NFKBID: variants seen among roughly 807,000 people sequenced by gnomAD.
The protein encoded by NFKBID is NFKB inhibitor delta, also known as NF-kappa-B inhibitor delta.
In NFKBID, 26 loss-of-function variants were observed where a neutral mutation model predicts 53.4. The observed-to-expected ratio is 0.49, with a 90% CI of 0.36 to 0.68. The LOEUF is 0.68. Among genes scored for constraint, NFKBID ranks in the 30% least tolerant of loss-of-function variants. The pLI, the probability that NFKBID is intolerant of heterozygous loss-of-function variation, is 0.00. For synonymous variants in NFKBID, 262 were observed against 259.8 expected, an observed-to-expected ratio of 1.01 and a Z score of -0.08; for missense variants, 493 against 614.1, an observed-to-expected ratio of 0.80 and a Z score of 2.08.
At chr19:35,900,518 C>T (rs1445565538) in exon 1 of NFKBID, 5 of 1,231,706 alleles carry the variant, frequency 4.1e-6, no homozygotes, top group South Asian at 4.1e-5. Flanking sequence ...CTGTTTCCCC[C>T]GCGGAGCCGC....
At chr19:35,889,301 A>C (rs1974590772) in intron 11 of NFKBID, among the ~76,000 whole-genome samples, 1 of 151,992 alleles carries the variant, frequency 6.6e-6, no homozygotes, top group Non-Finnish European at 1.5e-5. Context: ...GGCTGCAGTG[A>C]GCTATGATCA....
At chr19:35,900,002 C>T (rs562172841) in intron 1 of NFKBID, among the ~76,000 whole-genome samples, 2 of 150,942 alleles carry the variant, frequency 1.3e-5, no homozygotes, top group South Asian at 4.2e-4. Context: ...GCAGGGTCAC[C>T]GCCAGCGTAG....
chr19:35,889,853 A>G (rs1234971156), intron 11 of NFKBID, 37 bp downstream of exon 11: 1 of 1,567,772 alleles, frequency 6.4e-7, no homozygotes, highest in Non-Finnish European at 8.7e-7. Flanking sequence ...CCGCGAGCTC[A>G]GAGGCCACTC....
chr19:35,899,052 C>A (rs747899959), intron 1 of NFKBID, among the ~76,000 whole-genome samples: 3 of 152,172 alleles, frequency 2.0e-5, no homozygotes, highest in African/African-American at 7.2e-5. Flanking sequence ...ACCCAACTTT[C>A]CACCACCGTC....
chr19:35,894,852 ACGTGG>A (rs1309416299), intron 9 of NFKBID, among the ~76,000 whole-genome samples: 1 of 151,268 alleles, frequency 6.6e-6, no homozygotes, highest in Admixed American at 6.6e-5. Flanking sequence ...AATTAGCTGG[ACGTGG>A]TGGTGGGAAC....
exon 1 of NFKBID, chr19:35,900,519 G>A: frequency 8.1e-7 from 1 of 1,231,786 alleles, no homozygotes; most frequent in Non-Finnish European, 1.0e-6. Context: ...TGTTTCCCCC[G>A]CGGAGCCGCC....
chr19:35,889,098 C>T (rs1974572257), intron 11 of NFKBID, among the ~76,000 whole-genome samples: 2 of 150,600 alleles, frequency 1.3e-5, no homozygotes, highest in African/African-American at 4.9e-5. Context: ...TTCCTGTGAT[C>T]CCAACACTTT....
chr19:35,899,317 C>T (rs7253826), intron 1 of NFKBID, among the ~76,000 whole-genome samples: 9,392 of 152,106 alleles, frequency 0.062, 654 homozygotes, highest in African/African-American at 0.17. Context: ...CGGTGGCTCA[C>T]GCCTGTAATC....
At chr19:35,888,489 A>G in exon 12 of NFKBID, 1 of 1,110,492 alleles carries the variant, frequency 9.0e-7, no homozygotes, top group Non-Finnish European at 1.3e-6. Flanking sequence ...GGTTTGCAAC[A>G]TTAGCATACG....
At chr19:35,890,089 G>A (rs1294818640) in intron 10 of NFKBID, 35 bp from the exon 11 acceptor site, 1 of 1,569,606 alleles carries the variant, frequency 6.4e-7, no homozygotes, top group Admixed American at 1.9e-5. Context: ...TGGGGATCTG[G>A]GCTCAGCTGG....
chr19:35,894,679 C>CA (rs1372035539), intron 9 of NFKBID, among the ~76,000 whole-genome samples: 4 of 152,140 alleles, frequency 2.6e-5, no homozygotes, highest in African/African-American at 9.7e-5. Context: ...GCCTGAGTGA[C>CA]AGAGTGAGAC....
intron 9 of NFKBID, 193 bp from the exon 10 acceptor site, chr19:35,890,683 G>GC: frequency 1.5e-6 from 1 of 658,774 alleles, no homozygotes; most frequent in Non-Finnish European, 2.8e-6. Flanking sequence ...GGACAACACA[G>GC]CAAGACCTCA....
At chr19:35,900,781 C>CG (rs1975519891), upstream of NFKBID, 2 of 414,760 alleles carry the variant, frequency 4.8e-6, no homozygotes, top group East Asian at 3.7e-5. Context: ...AGGGAGAAAC[C>CG]GGGGGGCCTG....
At chr19:35,897,695 G>T in exon 4 of NFKBID, 1 of 1,610,888 alleles carries the variant, frequency 6.2e-7, no homozygotes, top group Non-Finnish European at 8.5e-7. Flanking sequence ...GGGTCCGAGG[G>T]TGGGTAGAAG....
At chr19:35,897,468 G>A (rs1975259588) in intron 4 of NFKBID, 183 bp downstream of exon 4, 6 of 635,748 alleles carry the variant, frequency 9.4e-6, no homozygotes, top group Admixed American at 5.3e-5. Flanking sequence ...GGTCTCAAAC[G>A]CCTGACCTCA....
At position 35,896,052 on chromosome 19, in the gene NFKBID, C is replaced by G. The variant is rs781463727; in HGVS notation, c.960G>C (p.Leu320=). ...CCAGCCTGTCTCGGGCCTGTGTGCT[C>G]AGCACCCGGGGACAGAGGTCGGAAG... Residue 320 remains leucine (L), a synonymous_variant, in exon 9 of 12, where the codon CTG becomes CTC. Transcript: ENST00000641389. The surrounding 1 kb of genome is among the most constrained non-coding windows in gnomAD (Gnocchi z 5.7). The G allele has an allele frequency of 1.9e-6, 3 of 1,614,090 alleles. No homozygotes were observed. The African/African-American group carries it at 4.0e-5, about 22-fold the overall frequency.
intron 9 of NFKBID, among the ~76,000 whole-genome samples, chr19:35,891,172 C>A (rs1277226874): frequency 6.6e-6 from 1 of 152,224 alleles, no homozygotes; most frequent in Non-Finnish European, 1.5e-5. Flanking sequence ...CAGCATTAAT[C>A]AGTGGACTAG....
chr19:35,890,263 C>T, intron 10 of NFKBID, 111 bp downstream of exon 10: 1 of 880,666 alleles, frequency 1.1e-6, no homozygotes. Flanking sequence ...CTTTCCCCTG[C>T]AGATCCCACA....
chr19:35,898,846 A>T, intron 1 of NFKBID, 24 bp from the exon 2 acceptor site: 1 of 1,524,288 alleles, frequency 6.6e-7, no homozygotes, highest in Non-Finnish European at 8.8e-7. Flanking sequence ...GAGAGGGGGA[A>T]GTCATCAAGG....
Sources: gnomAD v4.1 joint callset for allele counts (sites outside exome capture counted in the v4.1 genomes callset) on GRCh38, gnomAD v4.1.1 for gene constraint, Gnocchi (gnomAD v3.1) non-coding constraint, MANE v1.5 for transcripts, NCBI Gene and HGNC (gene_info 2026-07-23, HGNC 2026-07-21) for gene names.